Variants in RBFOX1 observed in about 807,000 individuals in gnomAD.
RBFOX1 encodes the protein RNA binding fox-1 homolog 1, also known as RNA binding protein fox-1 homolog 1.
A neutral mutation model predicts 57.7 loss-of-function variants in RBFOX1; 8 were observed. That is an observed-to-expected ratio of 0.14 (90% CI 0.08 to 0.25). The LOEUF (loss-of-function observed/expected upper bound fraction) is 0.25. RBFOX1 is among the 10% of genes least tolerant of loss of function. The pLI, the probability that RBFOX1 is intolerant of heterozygous loss-of-function variation, is 1.00. For synonymous variants in RBFOX1, 326 were observed against 222.4 expected, an observed-to-expected ratio of 1.47 and a Z score of -4.15; for missense variants, 611 against 548.5, an observed-to-expected ratio of 1.11 and a Z score of -1.14.
chr16:5,390,912 G>A (rs1400942066), intron 1 of RBFOX1, among the ~76,000 whole-genome samples: 1 of 152,208 alleles, frequency 6.6e-6, no homozygotes, highest in Non-Finnish European at 1.5e-5. Context: ...TAGGCTTGGA[G>A]AGGGAAGACT....
chr16:7,618,537 T>G (rs1857851088), intron 10 of RBFOX1, among the ~76,000 whole-genome samples: 1 of 152,218 alleles, frequency 6.6e-6, no homozygotes, highest in African/African-American at 2.4e-5. Context: ...GACATGTTTT[T>G]TTTTAATGTT....
chr16:5,401,960 G>T (rs960728140), intron 1 of RBFOX1, among the ~76,000 whole-genome samples: 1 of 149,318 alleles, frequency 6.7e-6, no homozygotes, highest in African/African-American at 2.4e-5. Flanking sequence ...TGATGTCCTG[G>T]TTGGAAACAA....
rs191129221 is a variant in RBFOX1, at chr16:5,920,507, A to G, written c.351+53172A>G. Among the ~76,000 whole-genome samples, 20 of 152,180 alleles carry G rather than the reference A, an allele frequency of 1.3e-4. No homozygotes were observed. In the South Asian group the frequency reaches 3.1e-3, roughly 24 times the overall value. On this transcript the variant is annotated intron_variant, in intron 4 of 19. Transcript: ENST00000641259. ...GGGTTATATGGCAATTCGTTAACTTATAGGGGAACTGATCACAGCTTTTTG... is the reference window on the plus strand; with the variant it reads ...GGGTTATATGGCAATTCGTTAACTTGTAGGGGAACTGATCACAGCTTTTTG...
At chr16:7,390,608 C>T (rs1232980672) in intron 4 of RBFOX1, among the ~76,000 whole-genome samples, 2 of 152,334 alleles carry the variant, frequency 1.3e-5, no homozygotes, top group Middle Eastern at 3.4e-3. Context: ...TTCGCATTAA[C>T]ACCTGAGCAT....
intron 1 of RBFOX1, among the ~76,000 whole-genome samples, chr16:6,205,413 A>C (rs2097248554): frequency 6.6e-6 from 1 of 152,210 alleles, no homozygotes; most frequent in African/African-American, 2.4e-5. Flanking sequence ...CAAAGTAATT[A>C]ATGGCATTTT....
rs540128324 is a variant in RBFOX1 at position 5,958,536 on chromosome 16, T to C, written c.351+91201T>C. Among the ~76,000 whole-genome samples the C allele has an allele frequency of 7.9e-5, 12 of 152,208 alleles. No individual in the cohort carries two copies. The East Asian group carries it at 1.7e-3, about 22-fold the overall frequency. On this transcript the variant is annotated intron_variant, in intron 4 of 19. Transcript: ENST00000641259. ...GCCTCAGTTTGCCCCAGTTTCCCCA[T>C]CTGAAAAAGGGGGATGATAAGAGCA...
intron 2 of RBFOX1, among the ~76,000 whole-genome samples, chr16:5,533,747 A>T (rs939247399): frequency 1.3e-5 from 2 of 152,144 alleles, no homozygotes; most frequent in Admixed American, 1.3e-4. Flanking sequence ...TTACCGGGGA[A>T]ATCTGAAGTC....
chr16:6,927,414 C>CAAAAAAAAAAAAAAAAAAAAAAAAAAAA lies in RBFOX1; in HGVS notation c.-15-124618_-15-124617insAAAAAAAAAAAAAAAAAAAAAAAAAAAA, dbSNP rs1194663760. Among the ~76,000 whole-genome samples, 12 of 53,144 alleles carry CAAAAAAAAAAAAAAAAAAAAAAAAAAAA rather than the reference C, an allele frequency of 2.3e-4. 1 individual carries two copies. The highest frequency in any genetic ancestry group is 1.3e-3 in the African/African-American group (12 of 9,278). 34.9% of individuals were successfully genotyped at this position (53,144 alleles called of 152,430 possible). A position where few individuals can be genotyped will look rare whatever the true frequency, so the allele number is the denominator to read the frequency against. On this transcript the variant is annotated intron_variant, in intron 3 of 15. Transcript: ENST00000550418. ...GGCAACAGAGTGAGACGCTTTCTCA[C>CAAAAAAAAAAAAAAAAAAAAAAAAAAAA]AAAAAAAAAAAAAAAAAAAAAAAAA...
At chr16:6,289,757 G>C (rs1177179522) in intron 1 of RBFOX1, among the ~76,000 whole-genome samples, 2 of 152,136 alleles carry the variant, frequency 1.3e-5, no homozygotes, top group Non-Finnish European at 2.9e-5. Context: ...CAGGCAATTT[G>C]AGCAAACAAA....
chr16:6,742,996 ATAT>A (rs2072654716), intron 3 of RBFOX1, among the ~76,000 whole-genome samples: 1 of 152,192 alleles, frequency 6.6e-6, no homozygotes, highest in Non-Finnish European at 1.5e-5. Context: ...GTACAATATG[ATAT>A]TATAGTTGCA....
chr16:7,650,568 T>C (rs1286106131), intron 11 of RBFOX1, among the ~76,000 whole-genome samples: 1 of 119,698 alleles, frequency 8.4e-6, no homozygotes, highest in Non-Finnish European at 2.0e-5. Flanking sequence ...CGTGCTCCCC[T>C]CTCTCTCTCT....
rs777856402 is a variant in RBFOX1 at position 6,487,673 on chromosome 16, TAAAAAAAAAAAAAAAAA to T, written c.-63-166918_-63-166902del. 4.5e-3 allele frequency among the ~76,000 whole-genome samples: 173 copies of T among 38,692 alleles called. 2 individuals are homozygous for T. Among genetic ancestry groups the T allele is most frequent in the African/African-American group, 0.011 (80 of 7,462 alleles). The allele number at this position is 38,692 out of a possible 152,430, so 25.4% of individuals were successfully genotyped here. ...CTTCCAAAGATGGCAGTGATATATGTAAAAAAAAAAAAAAAAAAAAAAAAAAAATATATATATATATA... is the reference window on the plus strand; with the variant it reads ...CTTCCAAAGATGGCAGTGATATATGTAAAAAAAAAAATATATATATATATA... On this transcript the variant is annotated intron_variant, in intron 2 of 15. Transcript: ENST00000550418.
intron 4 of RBFOX1, among the ~76,000 whole-genome samples, chr16:7,319,485 A>G (rs182805942): frequency 1.3e-5 from 2 of 152,242 alleles, no homozygotes; most frequent in Admixed American, 1.3e-4. Context: ...CAGTGTTTGT[A>G]TGTCTGGGTC....
At chr16:7,595,973 C>G (rs951953270) in intron 8 of RBFOX1, among the ~76,000 whole-genome samples, 1 of 151,298 alleles carries the variant, frequency 6.6e-6, no homozygotes, top group Non-Finnish European at 1.5e-5. Flanking sequence ...GTATTGCAAA[C>G]CAAACAAAAT....
At chr16:6,056,641 G>A (rs1389705228) in intron 1 of RBFOX1, among the ~76,000 whole-genome samples, 1 of 152,156 alleles carries the variant, frequency 6.6e-6, no homozygotes, top group African/African-American at 2.4e-5. Context: ...GACTGGCGTG[G>A]TCGCTGACCA....
At chr16:5,582,964 G>A (rs2046721371) in intron 2 of RBFOX1, among the ~76,000 whole-genome samples, 1 of 152,182 alleles carries the variant, frequency 6.6e-6, no homozygotes. Context: ...AGGCTCTATT[G>A]TGAGACCTTT....
chr16:6,108,104 C>A (rs915123150), intron 1 of RBFOX1, among the ~76,000 whole-genome samples: 1 of 152,152 alleles, frequency 6.6e-6, no homozygotes. Context: ...AAGAGACCAA[C>A]ATACATGTAT....
intron 1 of RBFOX1, among the ~76,000 whole-genome samples, chr16:6,164,071 A>G (rs892846514): frequency 1.3e-5 from 2 of 152,210 alleles, no homozygotes; most frequent in Non-Finnish European, 2.9e-5. Flanking sequence ...GAATTTTATT[A>G]ACTTTAGTCC....
At chr16:6,795,138 T>G (rs1341778790) in intron 3 of RBFOX1, among the ~76,000 whole-genome samples, 1 of 152,190 alleles carries the variant, frequency 6.6e-6, no homozygotes, top group African/African-American at 2.4e-5. Context: ...GAAAGCCAAG[T>G]TCTGTTGATT....
Sources: allele counts gnomAD v4.1 joint callset (sites outside exome capture counted in the v4.1 genomes callset), GRCh38; gene constraint gnomAD v4.1.1; transcripts MANE v1.5; gene names NCBI Gene and HGNC (gene_info 2026-07-23, HGNC 2026-07-21).